The following GPD2 variants were observed in gnomAD, a reference collection of about 807,000 sequenced individuals.
GPD2 encodes glycerol-3-phosphate dehydrogenase, mitochondrial.
GPD2 carries 54 observed loss-of-function variants against 82.4 expected under a neutral mutation model. That is an observed-to-expected ratio of 0.66 (90% CI 0.53 to 0.82). GPD2 has a LOEUF of 0.82. Ranked by LOEUF, GPD2 falls within the 40% of genes least tolerant of loss-of-function variation. The pLI is 0.00. For synonymous variants in GPD2, 288 were observed against 306.1 expected, an observed-to-expected ratio of 0.94 and a Z score of 0.62; for missense variants, 748 against 896.2, an observed-to-expected ratio of 0.83 and a Z score of 2.11.
chr2:156,531,221 GC>G (rs1466818916), intron 6 of GPD2, among the ~76,000 whole-genome samples: 1 of 152,016 alleles, frequency 6.6e-6, no homozygotes, highest in Non-Finnish European at 1.5e-5. Context: ...ATTCACCCCT[GC>G]CCCCTTTAAA....
intron 1 of GPD2, among the ~76,000 whole-genome samples, chr2:156,460,085 ATTAAGT>A (rs1193340159): frequency 2.0e-5 from 3 of 152,146 alleles, no homozygotes; most frequent in African/African-American, 4.8e-5. Context: ...AATTTTTTGG[ATTAAGT>A]TTAAGTTTTA....
At chr2:156,401,201 C>G in the GPD2 span, among the ~76,000 whole-genome samples, 5 of 152,298 alleles carry the variant, frequency 3.3e-5, no homozygotes, top group East Asian at 9.6e-4. Flanking sequence ...AGAATTCTAC[C>G]ACTGAACCAC....
chr2:156,543,606 G>A (rs1397925979), intron 6 of GPD2, among the ~76,000 whole-genome samples: 1 of 152,202 alleles, frequency 6.6e-6, no homozygotes, highest in African/African-American at 2.4e-5. Context: ...GAAGAGGGAA[G>A]GCCATTGTGT....
chr2:156,410,078 TA>T, the GPD2 span, among the ~76,000 whole-genome samples: 1 of 152,226 alleles, frequency 6.6e-6, no homozygotes, highest in African/African-American at 2.4e-5. Flanking sequence ...TTATAGATGA[TA>T]AAAGTAATTG....
At chr2:156,428,029 A>G in the GPD2 span, among the ~76,000 whole-genome samples, 2 of 152,202 alleles carry the variant, frequency 1.3e-5, no homozygotes, top group Admixed American at 1.3e-4. Flanking sequence ...GCCCACACCC[A>G]TAATTCAGGG....
chr2:156,538,934 T>C (rs1686194470), intron 6 of GPD2, among the ~76,000 whole-genome samples: 1 of 152,146 alleles, frequency 6.6e-6, no homozygotes, highest in Non-Finnish European at 1.5e-5. Context: ...AAGATATCTT[T>C]GTCAAGTAAG....
the GPD2 span, among the ~76,000 whole-genome samples, chr2:156,400,703 A>T: frequency 6.6e-6 from 1 of 152,224 alleles, no homozygotes; most frequent in Non-Finnish European, 1.5e-5. Flanking sequence ...AAAGATCTTA[A>T]TACAGTAATT....
At chr2:156,568,230 A>T (rs932808416) in intron 9 of GPD2, among the ~76,000 whole-genome samples, 7 of 152,134 alleles carry the variant, frequency 4.6e-5, no homozygotes, top group African/African-American at 1.4e-4. Flanking sequence ...TCTGATCTGT[A>T]TGGTGAGAAT....
chr2:156,484,262 A>G (rs1323871191), intron 2 of GPD2, among the ~76,000 whole-genome samples: 1 of 151,552 alleles, frequency 6.6e-6, no homozygotes, highest in Non-Finnish European at 1.5e-5. Flanking sequence ...CAGCCCCCCA[A>G]CTAGCTGGGA....
intron 1 of GPD2, among the ~76,000 whole-genome samples, chr2:156,470,182 A>ATCTTTT (rs894705229): frequency 6.6e-5 from 10 of 151,966 alleles, no homozygotes; most frequent in Admixed American, 2.0e-4. Flanking sequence ...TTTGCATGGA[A>ATCTTTT]TCTTTTTCTT....
At chr2:156,477,293 G>A (rs747528683) in intron 2 of GPD2, among the ~76,000 whole-genome samples, 8 of 152,074 alleles carry the variant, frequency 5.3e-5, no homozygotes, top group Non-Finnish European at 1.0e-4. Context: ...TTAGCTGGGC[G>A]TGATGGTGTA....
upstream of GPD2, among the ~76,000 whole-genome samples, chr2:156,430,748 A>G (rs564925788): frequency 6.6e-6 from 1 of 152,340 alleles, no homozygotes; most frequent in South Asian, 2.1e-4. Flanking sequence ...TGGCTATGGG[A>G]AAAATTTGTT....
At chr2:156,407,944 ATTTTTTTTTTTTTTT>A in the GPD2 span, among the ~76,000 whole-genome samples, 2 of 56,434 alleles carry the variant, frequency 3.5e-5, no homozygotes, top group African/African-American at 7.8e-5. Flanking sequence ...CCATGCTGTA[ATTTTTTTTTTTTTTT>A]TTTTTTTTTT....
At chr2:156,521,740 A>G (rs974115395) in intron 6 of GPD2, among the ~76,000 whole-genome samples, 1 of 152,248 alleles carries the variant, frequency 6.6e-6, no homozygotes, top group African/African-American at 2.4e-5. Context: ...ATTAAAAACC[A>G]TAACATTTTA....
chr2:156,400,704 TAC>T, the GPD2 span, among the ~76,000 whole-genome samples: 1 of 152,176 alleles, frequency 6.6e-6, no homozygotes, highest in Non-Finnish European at 1.5e-5. Flanking sequence ...AAGATCTTAA[TAC>T]AGTAATTTGA....
intron 1 of GPD2, among the ~76,000 whole-genome samples, chr2:156,463,987 A>T (rs960987856): frequency 2.0e-5 from 3 of 152,200 alleles, no homozygotes; most frequent in African/African-American, 7.2e-5. Context: ...AAGAAAAGAA[A>T]TATCTTTTTC....
At chr2:156,579,962 C>T (rs2105379867) in intron 16 of GPD2, among the ~76,000 whole-genome samples, 174 bp downstream of exon 16, 1 of 152,288 alleles carries the variant, frequency 6.6e-6, no homozygotes, top group South Asian at 2.1e-4. Flanking sequence ...GTGTAAGGCT[C>T]TACTGTGGTG....
At chr2:156,425,544 C>T in the GPD2 span, among the ~76,000 whole-genome samples, 1 of 152,110 alleles carries the variant, frequency 6.6e-6, no homozygotes, top group Non-Finnish European at 1.5e-5. Flanking sequence ...ATAATTTATA[C>T]CTAATGGGTT....
At chr2:156,582,060 G>T (rs968341937) in intron 16 of GPD2, among the ~76,000 whole-genome samples, 1 of 151,938 alleles carries the variant, frequency 6.6e-6, no homozygotes, top group African/African-American at 2.4e-5. Context: ...AAATAAAAAA[G>T]ATTAGGGAAG....
Sources: gnomAD v4.1 joint callset for allele counts (sites outside exome capture counted in the v4.1 genomes callset) on GRCh38, gnomAD v4.1.1 for gene constraint, MANE v1.5 for transcripts, NCBI Gene and HGNC (gene_info 2026-07-23, HGNC 2026-07-21) for gene names.